PALM2AKAP2: variants seen among roughly 807,000 people sequenced by gnomAD.
PALM2AKAP2 encodes the protein PALM2 and AKAP2 fusion.
Under a neutral mutation model 71.5 loss-of-function variants are expected in PALM2AKAP2, and 37 were observed. That is an observed-to-expected ratio of 0.52 (90% CI 0.40 to 0.68). PALM2AKAP2 has a LOEUF of 0.68. Among genes scored for constraint, PALM2AKAP2 ranks in the 30% least tolerant of loss-of-function variants. The probability of loss-of-function intolerance (pLI) is 0.00; values close to 1 mark genes in which losing one functional copy is unlikely to be tolerated. For missense variants in PALM2AKAP2, 1,224 were observed against 1,191.8 expected (o/e 1.03, Z -0.40); for synonymous variants, 468 against 478.8 (o/e 0.98, Z 0.29).
chr9:109,647,920 C>A (rs534126360), intron 1 of PALM2AKAP2, among the ~76,000 whole-genome samples: 1 of 152,114 alleles, frequency 6.6e-6, no homozygotes, highest in Non-Finnish European at 1.5e-5. Context: ...CCCCTTTTAC[C>A]ATTTGTTGCA....
chr9:109,859,559 G>A (rs1243384411), intron 1 of PALM2AKAP2, among the ~76,000 whole-genome samples: 6 of 152,198 alleles, frequency 3.9e-5, no homozygotes, highest in Admixed American at 3.9e-4. Context: ...AATATCATAT[G>A]TCAATAAAAC....
chr9:110,096,023 A>G (rs1834827841), intron 1 of PALM2AKAP2, among the ~76,000 whole-genome samples: 1 of 152,222 alleles, frequency 6.6e-6, no homozygotes, highest in Non-Finnish European at 1.5e-5. Context: ...TGTCTGAGTG[A>G]AGTGAGCTGG....
At chr9:109,911,017 CAG>C (rs2131892382) in intron 3 of PALM2AKAP2, among the ~76,000 whole-genome samples, 1 of 152,230 alleles carries the variant, frequency 6.6e-6, no homozygotes, top group East Asian at 1.9e-4. Context: ...GGTGAAGACA[CAG>C]GGGAGAGGGG....
At chr9:109,885,771 G>C (rs566721597) in intron 3 of PALM2AKAP2, among the ~76,000 whole-genome samples, 1 of 152,308 alleles carries the variant, frequency 6.6e-6, no homozygotes, top group Admixed American at 6.5e-5. Context: ...CCCCACAGTA[G>C]AGCTAAGCTT....
chr9:110,016,783 T>C (rs117479707), intron 7 of PALM2AKAP2, among the ~76,000 whole-genome samples: 450 of 152,322 alleles, frequency 3.0e-3, no homozygotes, highest in Non-Finnish European at 4.3e-3. Context: ...TTTCTAACAT[T>C]CTTGCTTGAA....
intron 6 of PALM2AKAP2, among the ~76,000 whole-genome samples, chr9:109,966,363 G>T (rs74864848): frequency 1.7e-3 from 262 of 152,342 alleles, no homozygotes; most frequent in African/African-American, 6.1e-3. Context: ...AGGTGGCAAA[G>T]TGTTAAATGT....
exon 4 of PALM2AKAP2, chr9:110,168,655 A>C (rs1745387046): frequency 1.1e-6 from 1 of 906,874 alleles, no homozygotes; most frequent in South Asian, 2.0e-5. Context: ...ATGAAAATGA[A>C]ACGAAAAGGA....
At position 109,801,324 on chromosome 9, in the gene PALM2AKAP2, G is replaced by T. The variant is rs546629287; in HGVS notation, c.45+20791G>T. 1.5e-3 allele frequency among the ~76,000 whole-genome samples: 228 copies of T among 152,250 alleles called. 1 individual carries two copies. Among genetic ancestry groups the T allele is most frequent in the African/African-American group, 5.0e-3 (207 of 41,536 alleles). On this transcript the variant is annotated intron_variant, in intron 1 of 9. Coordinates refer to the PALM2AKAP2 transcript ENST00000302798. ...CTTGCAGGAGGATGAGGTAGAAATT[G>T]GTCCAGGAGGAAGTCTATGGACAAT...
At chr9:109,832,743 C>T (rs1828338503) in intron 1 of PALM2AKAP2, among the ~76,000 whole-genome samples, 1 of 152,204 alleles carries the variant, frequency 6.6e-6, no homozygotes, top group Admixed American at 6.5e-5. Flanking sequence ...TATATCCCAA[C>T]AAAACCACTC....
intron 1 of PALM2AKAP2, among the ~76,000 whole-genome samples, chr9:109,825,036 T>C (rs942790965): frequency 2.9e-4 from 44 of 152,230 alleles, no homozygotes; most frequent in African/African-American, 1.0e-3. Context: ...CAACACGTAA[T>C]GTAGCTGAAT....
intron 1 of PALM2AKAP2, among the ~76,000 whole-genome samples, chr9:109,847,058 A>G (rs1828875196): frequency 6.6e-6 from 1 of 152,190 alleles, no homozygotes; most frequent in Non-Finnish European, 1.5e-5. Context: ...TGGTAGACCA[A>G]CAATGGCGCC....
intron 1 of PALM2AKAP2, among the ~76,000 whole-genome samples, chr9:109,645,072 A>G (rs1328317948): frequency 6.6e-6 from 1 of 152,164 alleles, no homozygotes; most frequent in Non-Finnish European, 1.5e-5. Context: ...ACTGGTACCA[A>G]TGTACTGTAT....
At chr9:110,116,105 C>G (rs892709147) in intron 1 of PALM2AKAP2, among the ~76,000 whole-genome samples, 2 of 152,110 alleles carry the variant, frequency 1.3e-5, no homozygotes, top group South Asian at 2.1e-4. Context: ...CCCTCAGGCT[C>G]CACCGGATGG....
chr9:110,080,220 A>G (rs1382014674), intron 1 of PALM2AKAP2, among the ~76,000 whole-genome samples: 2 of 152,122 alleles, frequency 1.3e-5, no homozygotes, highest in African/African-American at 4.8e-5. Flanking sequence ...GGATATAAAC[A>G]TGTAATCTAT....
intron 3 of PALM2AKAP2, 85 bp downstream of exon 10, chr9:110,162,217 A>C: frequency 6.4e-7 from 1 of 1,562,566 alleles, no homozygotes; most frequent in Non-Finnish European, 8.8e-7. Flanking sequence ...CTGATGAGTT[A>C]AACGAAAATG....
At chr9:109,898,884 G>A (rs534430114) in intron 3 of PALM2AKAP2, among the ~76,000 whole-genome samples, 5 of 152,274 alleles carry the variant, frequency 3.3e-5, no homozygotes, top group African/African-American at 1.2e-4. Flanking sequence ...CTGTTGAGCA[G>A]CAACGGAAGC....
At chr9:109,863,261 C>A (rs1829362901) in intron 1 of PALM2AKAP2, among the ~76,000 whole-genome samples, 1 of 152,214 alleles carries the variant, frequency 6.6e-6, no homozygotes, top group East Asian at 1.9e-4. Flanking sequence ...AGGGTTAAGG[C>A]AATACTCAAG....
chr9:109,763,576 C>T (rs1829095626), intron 1 of PALM2AKAP2, among the ~76,000 whole-genome samples: 5 of 152,154 alleles, frequency 3.3e-5, no homozygotes, highest in African/African-American at 4.8e-5. Context: ...CCTAGGGATG[C>T]TGTAAGACAT....
At chr9:109,715,352 C>A (rs1290458055) in intron 1 of PALM2AKAP2, among the ~76,000 whole-genome samples, 2 of 152,192 alleles carry the variant, frequency 1.3e-5, no homozygotes, top group African/African-American at 4.8e-5. Context: ...GCATGAAATA[C>A]AAGTGACTTG....
Sources: allele counts gnomAD v4.1 joint callset (sites outside exome capture counted in the v4.1 genomes callset), GRCh38; gene constraint gnomAD v4.1.1; transcripts MANE v1.5; gene names NCBI Gene and HGNC (gene_info 2026-07-23, HGNC 2026-07-21).